TSHR: variants seen among roughly 807,000 people sequenced by gnomAD.
The protein encoded by TSHR is thyroid stimulating hormone receptor.
Under a neutral mutation model 64.1 loss-of-function variants are expected in TSHR, and 51 were observed. The ratio of observed to expected loss-of-function variants is 0.80; its 90% confidence interval spans 0.64 to 1.01. The LOEUF is 1.01. Among genes scored for constraint, TSHR ranks in the 50% least tolerant of loss-of-function variants. The pLI, the probability that TSHR is intolerant of heterozygous loss-of-function variation, is 0.00. For synonymous variants in TSHR, 361 were observed against 361.9 expected, an observed-to-expected ratio of 1.00 and a Z score of 0.03; for missense variants, 877 against 942.8, an observed-to-expected ratio of 0.93 and a Z score of 0.91.
intron 1 of TSHR, among the ~76,000 whole-genome samples, chr14:81,022,680 G>T (rs1373668174): frequency 6.6e-6 from 1 of 152,010 alleles, no homozygotes; most frequent in African/African-American, 2.4e-5. Flanking sequence ...AATTAGCCGG[G>T]CATGGTGGCA....
chr14:80,983,037 TA>T (rs1184943687), intron 1 of TSHR: 2 of 547,678 alleles, frequency 3.7e-6, no homozygotes, highest in Admixed American at 2.8e-5. Flanking sequence ...TGGGTATCCA[TA>T]ACGTTCACCC....
chr14:81,025,190 A>G (rs1391048702), intron 1 of TSHR, among the ~76,000 whole-genome samples: 2 of 152,146 alleles, frequency 1.3e-5, no homozygotes, highest in Admixed American at 6.5e-5. Flanking sequence ...GTTTTGAGAA[A>G]TTTTAACTTT....
At chr14:81,105,300 T>A in intron 7 of TSHR, 4 of 909,194 alleles carry the variant, frequency 4.4e-6, no homozygotes, top group Non-Finnish European at 5.3e-6. Context: ...TATCAAGGCT[T>A]CTGTATATGT....
intron 1 of TSHR, among the ~76,000 whole-genome samples, chr14:81,039,208 C>T (rs1884802546): frequency 6.6e-6 from 1 of 151,786 alleles, no homozygotes; most frequent in Admixed American, 6.6e-5. Flanking sequence ...TCATCATATA[C>T]AAATCAATAA....
At chr14:81,136,525 A>C (rs1891462415) in intron 8 of TSHR, among the ~76,000 whole-genome samples, 1 of 152,168 alleles carries the variant, frequency 6.6e-6, no homozygotes, top group South Asian at 2.1e-4. Flanking sequence ...AAGGATGAAA[A>C]GATAAGTTTT....
chr14:81,127,010 A>G (rs1007157322), intron 8 of TSHR, among the ~76,000 whole-genome samples: 1 of 152,270 alleles, frequency 6.6e-6, no homozygotes, highest in Non-Finnish European at 1.5e-5. Context: ...GGCAAAAGCC[A>G]TGTATACTAT....
In TSHR at chr14:81,141,683, C is replaced by T. The variant is rs187501028; in HGVS notation, c.882-1257C>T. On this transcript the variant is annotated intron_variant, in intron 9 of 9. Transcript: ENST00000298171. ...TAGCACTTTGGGAGGCAGAGGTGGG[C>T]GGATCACTTGAGGTCAAGAGTTCAA... 2.0e-5 allele frequency among the ~76,000 whole-genome samples: 3 copies of T among 152,172 alleles called. No homozygotes were observed. In the South Asian group the frequency reaches 6.2e-4, roughly 32 times the overall value.
chr14:81,077,625 CT>C (rs1887598257), intron 3 of TSHR, among the ~76,000 whole-genome samples: 1 of 152,200 alleles, frequency 6.6e-6, no homozygotes, highest in Admixed American at 6.5e-5. Flanking sequence ...TTGGATCTTG[CT>C]TTTATATCCA....
At chr14:81,097,895 T>C (rs1314047146) in intron 7 of TSHR, among the ~76,000 whole-genome samples, 1 of 152,200 alleles carries the variant, frequency 6.6e-6, no homozygotes, top group Non-Finnish European at 1.5e-5. Flanking sequence ...GGAGTCATAA[T>C]GGTTCATTTC....
intron 3 of TSHR, chr14:81,087,718 G>A: frequency 1.8e-6 from 1 of 566,164 alleles, no homozygotes. Flanking sequence ...AAATTAAAGT[G>A]GACAGAAACC....
intron 1 of TSHR, among the ~76,000 whole-genome samples, chr14:80,989,621 A>G (rs527275117): frequency 6.6e-6 from 1 of 152,266 alleles, no homozygotes; most frequent in South Asian, 2.1e-4. Context: ...TTCAAGTCTC[A>G]GATCAAATGC....
intron 1 of TSHR, among the ~76,000 whole-genome samples, chr14:81,027,594 A>G (rs919227358): frequency 3.9e-5 from 6 of 152,296 alleles, no homozygotes; most frequent in African/African-American, 1.4e-4. Flanking sequence ...CCCCTAAATT[A>G]TATACCCAGA....
chr14:81,076,027 C>T (rs993038995), intron 3 of TSHR, among the ~76,000 whole-genome samples: 1 of 152,086 alleles, frequency 6.6e-6, no homozygotes, highest in Non-Finnish European at 1.5e-5. Context: ...TCATCATTCT[C>T]AGTAAACTAT....
chr14:81,087,865 G>A (rs776856172), intron 3 of TSHR, 89 bp from the exon 4 acceptor site: 40 of 1,081,912 alleles, frequency 3.7e-5, no homozygotes, highest in East Asian at 7.1e-5. Flanking sequence ...TCTCATGAAC[G>A]TTTGTTAAAA....
chr14:81,026,038 C>T (rs1044966916), intron 1 of TSHR, among the ~76,000 whole-genome samples: 3 of 152,110 alleles, frequency 2.0e-5, no homozygotes, highest in Non-Finnish European at 4.4e-5. Flanking sequence ...CACAAGAAAC[C>T]CCTCCAATGC....
chr14:81,133,235 T>C (rs1250934300), intron 8 of TSHR, among the ~76,000 whole-genome samples: 4 of 152,212 alleles, frequency 2.6e-5, no homozygotes, highest in Admixed American at 1.3e-4. Context: ...TTTTTCCTAT[T>C]TATACATCCA....
intron 1 of TSHR, among the ~76,000 whole-genome samples, chr14:81,022,072 C>T (rs35789100): frequency 0.097 from 13,634 of 141,198 alleles, 846 homozygotes; most frequent in South Asian, 0.21. Flanking sequence ...ACCATCCTGG[C>T]TAACATGGTG....
intron 1 of TSHR, among the ~76,000 whole-genome samples, chr14:80,963,799 G>A (rs998851673): frequency 6.6e-6 from 1 of 152,216 alleles, no homozygotes; most frequent in Non-Finnish European, 1.5e-5. Context: ...TGACTCAGGG[G>A]AGAAGGGCAG....
chr14:81,062,167 C>T lies in TSHR; in HGVS notation c.190C>T (p.Leu64=), dbSNP rs1886292055. ...TQTLKLIETH[L]RTIPSHAFSN... is the part of the protein sequence containing the mutation. ...TCACAGGAAGCTTATTGAGACTCAC[C>T]TGAGAACTATTCCAAGTCATGCATT... Residue 64 remains leucine, a synonymous_variant, in exon 2 of 10, where the codon CTG becomes TTG. Transcript: ENST00000298171. 6.8e-6 allele frequency: 11 copies of T among 1,611,718 alleles called. No homozygotes were observed. The highest frequency in any genetic ancestry group is 9.3e-6 in the Non-Finnish European group (11 of 1,178,772).
Sources: gnomAD v4.1 joint callset for allele counts (sites outside exome capture counted in the v4.1 genomes callset) on GRCh38, gnomAD v4.1.1 for gene constraint, MANE v1.5 for transcripts, NCBI Gene and HGNC (gene_info 2026-07-23, HGNC 2026-07-21) for gene names.